Variants in APBB2 observed in about 807,000 individuals in gnomAD.
APBB2 encodes the protein amyloid beta precursor protein binding family B member 2.
In APBB2, 38 loss-of-function variants were observed where a neutral mutation model predicts 82.5. The ratio of observed to expected loss-of-function variants is 0.46; its 90% confidence interval spans 0.36 to 0.60. The LOEUF (loss-of-function observed/expected upper bound fraction) is 0.60, where lower values mean the gene tolerates loss of function less well. Ranked by LOEUF, APBB2 falls within the 20% of genes least tolerant of loss-of-function variation. APBB2 has a pLI of 0.00. For synonymous variants in APBB2, 341 were observed against 368.2 expected, an observed-to-expected ratio of 0.93 and a Z score of 0.85; for missense variants, 772 against 972.3, an observed-to-expected ratio of 0.79 and a Z score of 2.74.
Position 40,919,208 on chromosome 4 carries a change from T to TA in APBB2, c.1254+15247dup, listed in dbSNP as rs1219179606. Among the ~76,000 whole-genome samples, 5 of 150,964 alleles carry TA rather than the reference T, an allele frequency of 3.3e-5. No homozygotes were observed. The South Asian group carries it at 8.4e-4, about 25-fold the overall frequency. On this transcript the variant is annotated intron_variant, in intron 10 of 17. Transcript: ENST00000508593. The stretch of plus-strand genomic sequence containing the variant: ...GGACAGTAATTCATTCTACGTTAAG[T>TA]AAAAAATCTACACAGGCACGCACAT...
chr4:40,981,086 T>A (rs150461310), intron 6 of APBB2, among the ~76,000 whole-genome samples: 57 of 152,318 alleles, frequency 3.7e-4, no homozygotes, highest in African/African-American at 1.3e-3. Flanking sequence ...CCCATCCTTT[T>A]ATAAATGAAG....
At chr4:41,104,698 G>A (rs1218405755) in intron 2 of APBB2, among the ~76,000 whole-genome samples, 1 of 152,000 alleles carries the variant, frequency 6.6e-6, no homozygotes, top group African/African-American at 2.4e-5. Context: ...TTCCATCTTT[G>A]TGTCCATACA....
At chr4:41,013,024 G>T (rs112214580) in intron 6 of APBB2, among the ~76,000 whole-genome samples, 2 of 152,096 alleles carry the variant, frequency 1.3e-5, no homozygotes, top group East Asian at 3.8e-4. Flanking sequence ...CAAGAAATAC[G>T]ATTTTCCCAC....
chr4:40,955,935 C>T (rs943479729), intron 6 of APBB2, among the ~76,000 whole-genome samples: 3 of 151,964 alleles, frequency 2.0e-5, no homozygotes, highest in Admixed American at 6.6e-5. Flanking sequence ...GCCACCACGC[C>T]CGGCTAATTT....
At chr4:41,081,040 A>C (rs1737431613) in intron 3 of APBB2, among the ~76,000 whole-genome samples, 1 of 152,206 alleles carries the variant, frequency 6.6e-6, no homozygotes, top group African/African-American at 2.4e-5. Context: ...ACCAATTGCC[A>C]AACTACCTTT....
chr4:41,101,243 T>A (rs985030489), intron 2 of APBB2, among the ~76,000 whole-genome samples: 34 of 151,256 alleles, frequency 2.2e-4, no homozygotes, highest in African/African-American at 8.0e-4. Flanking sequence ...GGCGGGTGGA[T>A]CATGAGGTCA....
chr4:40,901,077 A>G (rs4463102), intron 10 of APBB2, among the ~76,000 whole-genome samples: 5,864 of 152,232 alleles, frequency 0.039, 366 homozygotes, highest in African/African-American at 0.13. Flanking sequence ...TGGGGCCCAG[A>G]TGTTGAAGCC....
At chr4:40,845,015 G>A (rs574380651) in intron 12 of APBB2, among the ~76,000 whole-genome samples, 2 of 152,304 alleles carry the variant, frequency 1.3e-5, no homozygotes, top group East Asian at 3.9e-4. Flanking sequence ...TCCACTGCTA[G>A]TGATTCACTT....
intron 5 of APBB2, among the ~76,000 whole-genome samples, chr4:41,021,255 C>T (rs62412129): frequency 0.046 from 6,994 of 152,280 alleles, 343 homozygotes; most frequent in African/African-American, 0.13. Context: ...TACAACTGCA[C>T]GGCCCGGTCT....
chr4:41,059,449 A>G (rs1382947843), intron 4 of APBB2, among the ~76,000 whole-genome samples: 1 of 152,276 alleles, frequency 6.6e-6, no homozygotes, highest in Non-Finnish European at 1.5e-5. Context: ...GGCCATAAAC[A>G]AAATATCGGC....
chr4:41,086,659 A>G (rs1299017594), intron 3 of APBB2, among the ~76,000 whole-genome samples: 1 of 152,190 alleles, frequency 6.6e-6, no homozygotes, highest in Non-Finnish European at 1.5e-5. Flanking sequence ...ACAGAAGGAA[A>G]CTATCTCAGC....
chr4:41,046,815 G>A (rs955767629), intron 4 of APBB2, among the ~76,000 whole-genome samples: 1 of 152,212 alleles, frequency 6.6e-6, no homozygotes. Context: ...ACCCTGGCAG[G>A]CTCTATTCAC....
At chr4:40,933,975 C>A (rs1020209922) in intron 10 of APBB2, among the ~76,000 whole-genome samples, 1 of 152,166 alleles carries the variant, frequency 6.6e-6, no homozygotes, top group Admixed American at 6.5e-5. Flanking sequence ...ACAAGTTTGC[C>A]CCAACTGCCC....
intron 17 of APBB2, among the ~76,000 whole-genome samples, chr4:40,821,018 G>A (rs1023129785): frequency 6.6e-6 from 1 of 152,080 alleles, no homozygotes; most frequent in East Asian, 1.9e-4. Context: ...ACAGGGATGC[G>A]CCACCACGCT....
At chr4:41,108,826 A>G (rs1748163388) in intron 2 of APBB2, among the ~76,000 whole-genome samples, 1 of 151,918 alleles carries the variant, frequency 6.6e-6, no homozygotes, top group Non-Finnish European at 1.5e-5. Flanking sequence ...TGTTTCTCCT[A>G]TCTCTTTTCT....
At chr4:40,918,757 CTGTT>C (rs1435253134) in intron 10 of APBB2, among the ~76,000 whole-genome samples, 1 of 112,090 alleles carries the variant, frequency 8.9e-6, no homozygotes, top group Non-Finnish European at 1.8e-5. Context: ...TATTTTTTCT[CTGTT>C]TTTTTTTTTG....
intron 5 of APBB2, among the ~76,000 whole-genome samples, chr4:41,030,711 A>G (rs923541887): frequency 2.0e-5 from 3 of 152,162 alleles, no homozygotes; most frequent in Non-Finnish European, 4.4e-5. Flanking sequence ...GGTGAAAAAA[A>G]AGTAGGTGAG....
chr4:41,188,203 G>A (rs1330433445), intron 1 of APBB2, among the ~76,000 whole-genome samples: 1 of 152,140 alleles, frequency 6.6e-6, no homozygotes, highest in East Asian at 1.9e-4. Flanking sequence ...CATCATGAAG[G>A]TGAGAAAAAA....
rs977029452 is a variant in APBB2 at position 41,209,011 on chromosome 4, T to G, written c.-417+5394A>C. ...TCTACACACAAAGAGCTCTAATACCTTTAAACTGATCAAGCTTCTTACTTC... is the reference window on the plus strand; with the variant it reads ...TCTACACACAAAGAGCTCTAATACCGTTAAACTGATCAAGCTTCTTACTTC... On this transcript the variant is annotated intron_variant, in intron 1 of 17. Coordinates refer to ENST00000508593, the MANE Select transcript of APBB2 (RefSeq NM_004307.2). 3.9e-5 allele frequency among the ~76,000 whole-genome samples: 6 copies of G among 152,252 alleles called. 1 individual carries two copies. The South Asian group carries it at 1.2e-3, about 32-fold the overall frequency.
Sources: allele counts gnomAD v4.1 joint callset (sites outside exome capture counted in the v4.1 genomes callset), GRCh38; gene constraint gnomAD v4.1.1; transcripts MANE v1.5; gene names NCBI Gene and HGNC (gene_info 2026-07-23, HGNC 2026-07-21).